Variants in CIMAP3 observed in about 807,000 individuals in gnomAD.
CIMAP3 encodes ciliary microtubule associated protein 3.
At chr1:111,341,727 T>G in the CIMAP3 span, among the ~76,000 whole-genome samples, 1 of 152,256 alleles carries the variant, frequency 6.6e-6, no homozygotes, top group Non-Finnish European at 1.5e-5. Context: ...CCTGTGATTC[T>G]AAGAGTCTGT....
the CIMAP3 span, among the ~76,000 whole-genome samples, chr1:111,341,969 A>G: frequency 1.3e-5 from 2 of 152,180 alleles, no homozygotes; most frequent in Non-Finnish European, 2.9e-5. Flanking sequence ...ATTGGTGTTC[A>G]AGAGGGAGTC....
At chr1:111,334,760 T>G in the CIMAP3 span, among the ~76,000 whole-genome samples, 4 of 152,158 alleles carry the variant, frequency 2.6e-5, no homozygotes, top group African/African-American at 9.7e-5. Flanking sequence ...ATTGAAAGAT[T>G]CATTAGAGGC....
the CIMAP3 span, chr1:111,351,975 TCTA>T: frequency 6.6e-6 from 1 of 152,240 alleles, no homozygotes; most frequent in African/African-American, 2.4e-5. Context: ...AATAAACTTA[TCTA>T]CTAAGTCCTT....
At chr1:111,333,236 G>A in the CIMAP3 span, among the ~76,000 whole-genome samples, 309 of 152,310 alleles carry the variant, frequency 2.0e-3, 1 homozygote, top group Non-Finnish European at 2.9e-3. Context: ...TTTCCCTGCT[G>A]TGCAGGACCA....
the CIMAP3 span, among the ~76,000 whole-genome samples, chr1:111,338,140 G>A: frequency 1.3e-5 from 2 of 151,074 alleles, no homozygotes; most frequent in African/African-American, 2.5e-5. Context: ...GATGTTCTTT[G>A]AAACCAACGA....
chr1:111,349,610 A>G, the CIMAP3 span: 1 of 152,730 alleles, frequency 6.5e-6, no homozygotes, highest in Non-Finnish European at 1.5e-5. Context: ...TCCTGACAGT[A>G]AAGAGTCCAC....
the CIMAP3 span, among the ~76,000 whole-genome samples, chr1:111,337,433 G>A: frequency 1.3e-5 from 2 of 152,088 alleles, no homozygotes; most frequent in African/African-American, 2.4e-5. Context: ...ACCCATCACT[G>A]TGCTGTATTC....
chr1:111,330,818 A>C, the CIMAP3 span, among the ~76,000 whole-genome samples: 1 of 152,228 alleles, frequency 6.6e-6, no homozygotes, highest in Non-Finnish European at 1.5e-5. Flanking sequence ...CACTCAGTGC[A>C]ATCAGCCCAG....
At chr1:111,344,964 A>G in the CIMAP3 span, among the ~76,000 whole-genome samples, 1 of 152,220 alleles carries the variant, frequency 6.6e-6, no homozygotes, top group Non-Finnish European at 1.5e-5. Flanking sequence ...GTTTAGATAC[A>G]TAAATACTTA....
At chr1:111,350,291 C>CTTTTTTTTT in the CIMAP3 span, 1 of 1,230,468 alleles carries the variant, frequency 8.1e-7, no homozygotes, top group Non-Finnish European at 1.2e-6. Flanking sequence ...ATTAGGGACT[C>CTTTTTTTTT]TTAATTAGGG....
chr1:111,345,083 C>A, the CIMAP3 span, among the ~76,000 whole-genome samples: 1 of 152,242 alleles, frequency 6.6e-6, no homozygotes, highest in Non-Finnish European at 1.5e-5. Context: ...GTAGGCTATA[C>A]CATCTAGGTT....
the CIMAP3 span, among the ~76,000 whole-genome samples, chr1:111,338,382 C>A: frequency 9.2e-5 from 14 of 151,360 alleles, no homozygotes; most frequent in Non-Finnish European, 2.1e-4. Context: ...CACAAAAAAA[C>A]CCTTCAAAAA....
At chr1:111,343,950 C>G in the CIMAP3 span, among the ~76,000 whole-genome samples, 1 of 152,116 alleles carries the variant, frequency 6.6e-6, no homozygotes, top group Non-Finnish European at 1.5e-5. Flanking sequence ...CTTTCGCTTC[C>G]CTATGTTCAC....
At chr1:111,327,718 C>T in the CIMAP3 span, among the ~76,000 whole-genome samples, 3 of 152,046 alleles carry the variant, frequency 2.0e-5, no homozygotes, top group South Asian at 6.2e-4. Context: ...CTTATCATTT[C>T]TAATTGTATT....
the CIMAP3 span, among the ~76,000 whole-genome samples, chr1:111,334,196 G>C: frequency 6.6e-5 from 10 of 152,126 alleles, no homozygotes; most frequent in Non-Finnish European, 1.3e-4. Context: ...GGTAGAAAAG[G>C]CTGGACGAAA....
At chr1:111,341,010 T>C in the CIMAP3 span, among the ~76,000 whole-genome samples, 4 of 150,960 alleles carry the variant, frequency 2.6e-5, no homozygotes, top group African/African-American at 7.3e-5. Flanking sequence ...ATATACACCA[T>C]GGAATACTAT....
At chr1:111,331,698 A>G in the CIMAP3 span, among the ~76,000 whole-genome samples, 1 of 149,822 alleles carries the variant, frequency 6.7e-6, no homozygotes, top group East Asian at 1.9e-4. Flanking sequence ...CATTCCATAT[A>G]TTTCCTTGTG....
chr1:111,346,707 C>CA, the CIMAP3 span: 1 of 1,601,312 alleles, frequency 6.2e-7, no homozygotes, highest in East Asian at 2.2e-5. Context: ...GAGTAGAGGG[C>CA]AGGTAGGGGG....
At chr1:111,336,780 A>G in the CIMAP3 span, among the ~76,000 whole-genome samples, 6 of 152,234 alleles carry the variant, frequency 3.9e-5, no homozygotes, top group Admixed American at 1.3e-4. Context: ...TCTGCAGGAT[A>G]TTATCCAGGA....
Sources: gnomAD v4.1 joint callset for allele counts (sites outside exome capture counted in the v4.1 genomes callset) on GRCh38, gnomAD v4.1.1 for gene constraint, MANE v1.5 for transcripts, NCBI Gene and HGNC (gene_info 2026-07-23, HGNC 2026-07-21) for gene names.